Variants in SPTBN1 observed in about 807,000 individuals in gnomAD.
The protein encoded by SPTBN1 is spectrin beta chain, non-erythrocytic 1.
Under a neutral mutation model 266.4 loss-of-function variants are expected in SPTBN1, and 32 were observed. That is an observed-to-expected ratio of 0.12 (90% confidence interval 0.09 to 0.16). SPTBN1 has a LOEUF of 0.16. SPTBN1 is among the 10% of genes least tolerant of loss of function. The pLI, the probability that SPTBN1 is intolerant of heterozygous loss-of-function variation, is 1.00. For missense variants in SPTBN1, 2,296 were observed against 3,067.1 expected, an observed-to-expected ratio of 0.75 and a Z score of 5.94; for synonymous variants, 1,336 against 1,162.2, an observed-to-expected ratio of 1.15 and a Z score of -3.04.
chr2:54,468,343 TAAAA>T (rs1166583323), intron 1 of SPTBN1, among the ~76,000 whole-genome samples: 1 of 151,698 alleles, frequency 6.6e-6, no homozygotes, highest in African/African-American at 2.4e-5. Context: ...AATAAAAAAA[TAAAA>T]AAATATGTGT....
Position 54,670,999 on chromosome 2 carries a change from T to C in SPTBN1, c.*2430T>C, listed in dbSNP as rs1681665826. The C allele has an allele frequency of 5.1e-6, 2 of 394,968 alleles. No homozygotes were observed. Among genetic ancestry groups the C allele is most frequent in the Non-Finnish European group, 4.5e-6 (1 of 224,402 alleles). 24.5% of individuals were successfully genotyped at this position (394,968 alleles called of 1,614,324 possible). A position where few individuals can be genotyped will look rare whatever the true frequency, so the allele number is the denominator to read the frequency against. On this transcript the variant is annotated 3_prime_UTR_variant, in exon 36 of 36. Transcript: ENST00000356805. ...TCCACTATCATGTTTTTTGAGGATT[T>C]TGCATATTTCTTGTTGCCATAATGC...
At chr2:54,585,131 T>C (rs767551835) in intron 2 of SPTBN1, among the ~76,000 whole-genome samples, 1 of 152,226 alleles carries the variant, frequency 6.6e-6, no homozygotes, top group African/African-American at 2.4e-5. Flanking sequence ...CCTTTTTCAT[T>C]TGAAGAAAAT....
intron 2 of SPTBN1, chr2:54,529,583 C>T (rs766853807): frequency 1.4e-5 from 10 of 719,482 alleles, no homozygotes; most frequent in South Asian, 1.2e-4. Context: ...CATCAAGTTT[C>T]CTCTGACCAC....
intron 5 of SPTBN1, 83 bp downstream of exon 5, chr2:54,616,381 G>T: frequency 2.4e-6 from 3 of 1,234,724 alleles, no homozygotes; most frequent in South Asian, 3.2e-5. Flanking sequence ...GGTGTTGACA[G>T]GTATCTTTTC....
At chr2:54,464,829 G>A (rs1262007258) in intron 1 of SPTBN1, among the ~76,000 whole-genome samples, 4 of 151,994 alleles carry the variant, frequency 2.6e-5, no homozygotes, top group East Asian at 1.9e-4. Flanking sequence ...AGTTGCAGGC[G>A]TGTACCACCA....
intron 17 of SPTBN1, among the ~76,000 whole-genome samples, chr2:54,637,483 G>A (rs1445702366): frequency 6.6e-6 from 1 of 152,150 alleles, no homozygotes; most frequent in Non-Finnish European, 1.5e-5. Flanking sequence ...TTGACAGTAT[G>A]TTCGGCCTGT....
intron 2 of SPTBN1, among the ~76,000 whole-genome samples, chr2:54,592,215 C>T (rs77625263): frequency 1.1e-4 from 16 of 152,154 alleles, no homozygotes; most frequent in East Asian, 3.9e-4. Flanking sequence ...ATTACATAGA[C>T]GCATTACAGC....
At chr2:54,584,014 C>G (rs1348966139) in intron 2 of SPTBN1, among the ~76,000 whole-genome samples, 1 of 152,194 alleles carries the variant, frequency 6.6e-6, no homozygotes, top group African/African-American at 2.4e-5. Flanking sequence ...GAAATGCCTC[C>G]TGTCTGCTTC....
At chr2:54,573,567 C>G (rs1674239402) in intron 2 of SPTBN1, among the ~76,000 whole-genome samples, 1 of 152,200 alleles carries the variant, frequency 6.6e-6, no homozygotes, top group Non-Finnish European at 1.5e-5. Flanking sequence ...CTCGGTGATT[C>G]AGCAGTTGAT....
intron 1 of SPTBN1, among the ~76,000 whole-genome samples, chr2:54,472,022 GTTTTTTTTT>G (rs768988675): frequency 1.5e-5 from 1 of 66,802 alleles, no homozygotes; most frequent in African/African-American, 6.4e-5. Context: ...CCCTGAAGAT[GTTTTTTTTT>G]TTTTTTTTTT....
intron 1 of SPTBN1, among the ~76,000 whole-genome samples, chr2:54,496,973 A>C (rs1400932338): frequency 6.6e-6 from 1 of 152,250 alleles, no homozygotes; most frequent in African/African-American, 2.4e-5. Flanking sequence ...GTACATCCAT[A>C]TTGTAGAACA....
rs115951948 is a variant in SPTBN1 at position 54,540,263 on chromosome 2, C to A, written c.148+13697C>A. On this transcript the variant is annotated intron_variant, in intron 2 of 35. Coordinates refer to ENST00000356805, the MANE Select transcript of SPTBN1 (RefSeq NM_003128.3). This position sits in a 1 kb window ranked among gnomAD's most constrained non-coding sequence, Gnocchi z 5.6. The stretch of plus-strand genomic sequence containing the variant: ...AGTAAGACCAGCTGATTGATAGAAT[C>A]CTGGAGTTTAATCTTTCTCCTACCA... Among the ~76,000 whole-genome samples the A allele has an allele frequency of 5.5e-3, 842 of 152,126 alleles. 8 individuals carry two copies. The highest frequency in any genetic ancestry group is 0.019 in the African/African-American group (803 of 41,428).
At chr2:54,596,579 T>G (rs1558882262) in intron 2 of SPTBN1, among the ~76,000 whole-genome samples, 2 of 152,200 alleles carry the variant, frequency 1.3e-5, no homozygotes, top group Non-Finnish European at 2.9e-5. Flanking sequence ...CTGCGTGATT[T>G]TTCCAGCACT....
At position 54,669,927 on chromosome 2, in the gene SPTBN1, C is replaced by T. The variant is rs1681626321; in HGVS notation, c.*1358C>T. ...TACCAGAGCACTTGTGAAACCTGAA[C>T]TCTGAGATAGGGGTTGGCAAATTTG... On this transcript the variant is annotated 3_prime_UTR_variant, in exon 36 of 36. Transcript: ENST00000356805. 1 of 152,096 alleles carries T rather than the reference C, an allele frequency of 6.6e-6. No individual in the cohort carries two copies. Among genetic ancestry groups the T allele is most frequent in the Admixed American group, 6.5e-5 (1 of 15,272 alleles). 9.4% of individuals were successfully genotyped at this position (152,096 alleles called of 1,614,324 possible).
chr2:54,660,015 C>G lies in SPTBN1; in HGVS notation c.6420+16C>G, dbSNP rs1457593280. On this transcript the variant is annotated intron_variant, in intron 32 of 35. Transcript: ENST00000356805. ...ATCTCCACGGGTTAGTTACCGCTCTCAAACCTACCAAAACTACAAAAACTT... is the reference window on the plus strand; with the variant it reads ...ATCTCCACGGGTTAGTTACCGCTCTGAAACCTACCAAAACTACAAAAACTT... 1 of 1,614,206 alleles carries G rather than the reference C, an allele frequency of 6.2e-7. No homozygotes were observed. The highest frequency in any genetic ancestry group is 2.2e-5 in the East Asian group (1 of 44,890).
intron 1 of SPTBN1, among the ~76,000 whole-genome samples, chr2:54,495,244 C>T (rs1374894238): frequency 1.3e-5 from 2 of 152,180 alleles, no homozygotes; most frequent in African/African-American, 4.8e-5. Context: ...AAGCGTTGTA[C>T]ATCACTGACG....
chr2:54,534,602 A>G (rs1237698015), intron 2 of SPTBN1, among the ~76,000 whole-genome samples: 2 of 152,116 alleles, frequency 1.3e-5, no homozygotes, highest in African/African-American at 4.8e-5. Flanking sequence ...TCTTTGCTTT[A>G]CTTTTTTAGG....
rs1678493346 is a variant in SPTBN1, at chr2:54,628,357, G to T, written c.1798+107G>T. 17 of 1,366,470 alleles carry T rather than the reference G, an allele frequency of 1.2e-5. No homozygotes were observed. Among genetic ancestry groups the T allele is most frequent in the Non-Finnish European group, 1.6e-5 (17 of 1,042,158 alleles). The allele number at this position is 1,366,470 out of a possible 1,614,324, so 84.6% of individuals were successfully genotyped here. On this transcript the variant is annotated intron_variant, in intron 13 of 35. Transcript: ENST00000356805. The surrounding 1 kb of genome is among the most constrained non-coding windows in gnomAD (Gnocchi z 4.3). Reference sequence around the variant, plus strand: ...ACTGTGCCACTATACATTCCTGGTGGGTTTGTCATGGGAGCATGAAATACG... The same window carrying T: ...ACTGTGCCACTATACATTCCTGGTGTGTTTGTCATGGGAGCATGAAATACG...
intron 3 of SPTBN1, among the ~76,000 whole-genome samples, chr2:54,604,150 G>A (rs932200065): frequency 3.3e-5 from 5 of 152,132 alleles, no homozygotes; most frequent in Non-Finnish European, 5.9e-5. Flanking sequence ...GCTCTGCCCA[G>A]CACCACAACC....
Sources: gnomAD v4.1 joint callset for allele counts (sites outside exome capture counted in the v4.1 genomes callset) on GRCh38, gnomAD v4.1.1 for gene constraint, Gnocchi (gnomAD v3.1) non-coding constraint, MANE v1.5 for transcripts, NCBI Gene and HGNC (gene_info 2026-07-23, HGNC 2026-07-21) for gene names.